Variants in PIK3CA observed in about 807,000 individuals in gnomAD.
PIK3CA encodes phosphatidylinositol-4,5-bisphosphate 3-kinase catalytic subunit alpha, also known as phosphatidylinositol 4,5-bisphosphate 3-kinase catalytic subunit alpha isoform.
A neutral mutation model predicts 138.2 loss-of-function variants in PIK3CA; 27 were observed. The ratio of observed to expected loss-of-function variants is 0.20; its 90% CI spans 0.14 to 0.27. The LOEUF (loss-of-function observed/expected upper bound fraction) is 0.27. PIK3CA is among the 10% of genes least tolerant of loss of function. The pLI, the probability that PIK3CA is intolerant of heterozygous loss-of-function variation, is 1.00. For synonymous variants in PIK3CA, 358 were observed against 413.2 expected (o/e 0.87, Z 1.62); for missense variants, 544 against 1,277.4 (o/e 0.43, Z 8.75).
intron 1 of PIK3CA, among the ~76,000 whole-genome samples, chr3:179,179,524 C>T (rs895064414): frequency 2.0e-5 from 3 of 152,192 alleles, no homozygotes; most frequent in African/African-American, 7.2e-5. Context: ...AAGAGCATGA[C>T]AGAATGTTCT....
In PIK3CA at chr3:179,224,761, C is replaced by T. The variant is rs1461675237; in HGVS notation, c.2356C>T (p.Pro786Ser). The T allele has an allele frequency of 6.2e-7, 1 of 1,603,538 alleles. No homozygotes were observed. Among genetic ancestry groups the T allele is most frequent in the Non-Finnish European group, 8.5e-7 (1 of 1,171,350 alleles). The change falls in exon 16 of 21, where the codon CCA (proline) becomes TCA (serine). Residue 786 changes from proline (P) to serine (S), a missense_variant. Transcript: ENST00000263967. ...KRPLWLNWEN[P>S]DIMSELLFQN... ...GCCACTGTGGTTGAATTGGGAGAAC[C>T]CAGACATCATGTCAGAGTTACTGTT...
At chr3:179,156,082 T>A (rs1723133793) in intron 1 of PIK3CA, among the ~76,000 whole-genome samples, 1 of 152,176 alleles carries the variant, frequency 6.6e-6, no homozygotes, top group South Asian at 2.1e-4. Flanking sequence ...GAGAAGACAG[T>A]CTAGCTCAGT....
chr3:179,227,260 A>C (rs191538445), intron 17 of PIK3CA, among the ~76,000 whole-genome samples: 30 of 152,196 alleles, frequency 2.0e-4, no homozygotes, highest in African/African-American at 7.2e-4. Flanking sequence ...TTTTATTTAT[A>C]CTTGGCAAAA....
rs924204297 is a variant in PIK3CA at position 179,203,850 on chromosome 3, G to A, written c.1059+61G>A. 14 of 1,234,286 alleles carry A rather than the reference G, an allele frequency of 1.1e-5. No individual in the cohort carries two copies. The African/African-American group carries it at 2.1e-4, about 19-fold the overall frequency. The allele number at this position is 1,234,286 out of a possible 1,614,324, so 76.5% of individuals were successfully genotyped here. On this transcript the variant is annotated intron_variant, in intron 5 of 20. Transcript: ENST00000263967. ...AATTATTTTAGATAACCTTTTTCTT[G>A]CACTATACAGTAATCTGTTGACCTG... is the stretch of plus-strand genomic sequence containing the variant.
intron 9 of PIK3CA, among the ~76,000 whole-genome samples, chr3:179,215,743 T>C (rs972651997): frequency 2.0e-5 from 3 of 152,150 alleles, no homozygotes; most frequent in African/African-American, 4.8e-5. Context: ...CATTGGACAC[T>C]TGAGAATTCA....
chr3:179,205,020 CAAAAAAAAAAAAAA>C (rs574908621), intron 6 of PIK3CA, among the ~76,000 whole-genome samples: 55 of 53,376 alleles, frequency 1.0e-3, no homozygotes, highest in East Asian at 6.5e-3. Context: ...GACTCCGTCT[CAAAAAAAAAAAAAA>C]AAAAAAAAAA....
chr3:179,210,341 A>G lies in PIK3CA; in HGVS notation c.1404+3A>G. On this transcript the variant is annotated splice_donor_region_variant and intron_variant, in intron 8 of 20. Transcript: ENST00000263967. ...TTACTGGATCAAATCCAAATAAAGT[A>G]AGGTTTTTATTGTCATAAATTAGAT... The G allele has an allele frequency of 6.3e-7, 1 of 1,585,572 alleles. No individual in the cohort carries two copies. The highest frequency in any genetic ancestry group is 1.2e-5 in the South Asian group (1 of 85,654).
chr3:179,159,864 A>G (rs560263052), intron 1 of PIK3CA, among the ~76,000 whole-genome samples: 1 of 152,312 alleles, frequency 6.6e-6, no homozygotes, highest in Admixed American at 6.5e-5. Flanking sequence ...GTATATTACT[A>G]TACTGAATAC....
At chr3:179,150,589 A>C (rs1722991491) in intron 1 of PIK3CA, among the ~76,000 whole-genome samples, 1 of 152,174 alleles carries the variant, frequency 6.6e-6, no homozygotes, top group African/African-American at 2.4e-5. Context: ...GCTTCATGGA[A>C]GTGTAAATTG....
At chr3:179,210,651 AT>A in intron 9 of PIK3CA, 86 bp downstream of exon 9, 2 of 1,301,170 alleles carry the variant, frequency 1.5e-6, no homozygotes, top group Non-Finnish European at 2.2e-6. Flanking sequence ...GGATCCATAT[AT>A]TTTACTGGCA....
chr3:179,150,414 G>A (rs1178832458), intron 1 of PIK3CA, among the ~76,000 whole-genome samples: 1 of 152,076 alleles, frequency 6.6e-6, no homozygotes, highest in Non-Finnish European at 1.5e-5. Context: ...ATGATTGTGC[G>A]TATAAAGTTT....
At chr3:179,161,849 G>T (rs573798426) in intron 1 of PIK3CA, among the ~76,000 whole-genome samples, 2 of 152,062 alleles carry the variant, frequency 1.3e-5, no homozygotes, top group African/African-American at 4.8e-5. Flanking sequence ...TTTCAAAAGC[G>T]CCTTCAGAAT....
intron 4 of PIK3CA, among the ~76,000 whole-genome samples, chr3:179,202,751 GTTTT>G (rs1560138980): frequency 1.3e-5 from 2 of 152,074 alleles, no homozygotes; most frequent in Non-Finnish European, 2.9e-5. Context: ...ACTATTTGTG[GTTTT>G]TTGTTTTAAT....
At chr3:179,187,411 G>A (rs978114248) in intron 1 of PIK3CA, among the ~76,000 whole-genome samples, 29 of 150,248 alleles carry the variant, frequency 1.9e-4, no homozygotes, top group African/African-American at 5.1e-4. Context: ...GGTGGCGGGC[G>A]CCTGTAGTCC....
chr3:179,195,384 T>C (rs748456530), intron 1 of PIK3CA, among the ~76,000 whole-genome samples: 10 of 152,174 alleles, frequency 6.6e-5, no homozygotes, highest in Admixed American at 1.3e-4. Flanking sequence ...ATGTTTAACA[T>C]TTATTAGGTG....
chr3:179,162,798 C>T (rs977306761), intron 1 of PIK3CA, among the ~76,000 whole-genome samples: 1 of 151,620 alleles, frequency 6.6e-6, no homozygotes, highest in African/African-American at 2.4e-5. Flanking sequence ...AATGGGAAGT[C>T]CAGCAATTAC....
At chr3:179,197,144 T>C (rs992284681) in intron 1 of PIK3CA, among the ~76,000 whole-genome samples, 2 of 152,128 alleles carry the variant, frequency 1.3e-5, no homozygotes, top group African/African-American at 4.8e-5. Context: ...GTTTAAGTGA[T>C]TCTCCTGCTT....
intron 1 of PIK3CA, among the ~76,000 whole-genome samples, chr3:179,170,074 G>GTGCACACACA (rs756375767): frequency 2.1e-3 from 253 of 119,996 alleles, no homozygotes; most frequent in African/African-American, 6.4e-3. Context: ...ACACGCGCGC[G>GTGCACACACA]CGCACACACA....
At chr3:179,191,699 C>G (rs1357343522) in intron 1 of PIK3CA, among the ~76,000 whole-genome samples, 1 of 152,118 alleles carries the variant, frequency 6.6e-6, no homozygotes, top group East Asian at 1.9e-4. Context: ...TGCAATGGCG[C>G]AGTCTCGGCT....
Sources: gnomAD v4.1 joint callset for allele counts (sites outside exome capture counted in the v4.1 genomes callset) on GRCh38, gnomAD v4.1.1 for gene constraint, MANE v1.5 for transcripts, NCBI Gene and HGNC (gene_info 2026-07-23, HGNC 2026-07-21) for gene names.